Variants in NCAM2 observed in about 807,000 individuals in gnomAD.
The protein encoded by NCAM2 is neural cell adhesion molecule 2, also known as N-CAM-2.
In NCAM2, 30 loss-of-function variants were observed where a neutral mutation model predicts 98.1. The ratio of observed to expected loss-of-function variants is 0.31; its 90% CI spans 0.23 to 0.41. The LOEUF is 0.41. NCAM2 is among the 10% of genes least tolerant of loss of function. The pLI is 1.00. For synonymous variants in NCAM2, 368 were observed against 342.4 expected, an observed-to-expected ratio of 1.07 and a Z score of -0.83; for missense variants, 867 against 1,005.8, an observed-to-expected ratio of 0.86 and a Z score of 1.87.
At chr21:21,304,831 G>C (rs2147670425) in intron 5 of NCAM2, among the ~76,000 whole-genome samples, 1 of 152,124 alleles carries the variant, frequency 6.6e-6, no homozygotes, top group South Asian at 2.1e-4. Context: ...TTTTTATACA[G>C]TCCTAACTCA....
At chr21:21,476,672 A>G (rs1985206841) in intron 14 of NCAM2, among the ~76,000 whole-genome samples, 2 of 152,104 alleles carry the variant, frequency 1.3e-5, no homozygotes, top group South Asian at 4.1e-4. Flanking sequence ...ATGAGATAGT[A>G]TTTAAGTGTA....
intron 1 of NCAM2, among the ~76,000 whole-genome samples, chr21:21,191,445 T>C (rs558068256): frequency 6.6e-6 from 1 of 152,318 alleles, no homozygotes; most frequent in South Asian, 2.1e-4. Flanking sequence ...TAGTTAAATA[T>C]GTATTTCTTT....
chr21:21,200,207 C>A (rs923229016), intron 1 of NCAM2, among the ~76,000 whole-genome samples: 1 of 152,008 alleles, frequency 6.6e-6, no homozygotes, highest in Admixed American at 6.6e-5. Flanking sequence ...CCCCTAGTAA[C>A]AATGCCATGA....
chr21:21,448,612 T>C (rs991748210), intron 12 of NCAM2, among the ~76,000 whole-genome samples: 4 of 152,076 alleles, frequency 2.6e-5, no homozygotes, highest in Non-Finnish European at 4.4e-5. Flanking sequence ...TACAGTGCTT[T>C]TAAAATTTTT....
intron 1 of NCAM2, among the ~76,000 whole-genome samples, chr21:21,235,141 A>G (rs914985749): frequency 2.0e-5 from 3 of 151,916 alleles, no homozygotes; most frequent in Admixed American, 1.3e-4. Flanking sequence ...TTAAAACATT[A>G]AAAAAAGTGG....
intron 1 of NCAM2, among the ~76,000 whole-genome samples, chr21:21,014,423 C>CAAAAA (rs71193391): frequency 2.0e-5 from 2 of 100,800 alleles, no homozygotes; most frequent in African/African-American, 7.1e-5. Flanking sequence ...GACTCCATCT[C>CAAAAA]AAAAAAAAAA....
intron 5 of NCAM2, among the ~76,000 whole-genome samples, chr21:21,319,990 C>A (rs1190446595): frequency 6.6e-6 from 1 of 152,126 alleles, no homozygotes; most frequent in Non-Finnish European, 1.5e-5. Flanking sequence ...CTTAAACCAA[C>A]TTAATGAGCC....
intron 15 of NCAM2, among the ~76,000 whole-genome samples, chr21:21,480,231 C>G (rs1189435454): frequency 2.6e-5 from 4 of 151,624 alleles, no homozygotes; most frequent in Non-Finnish European, 4.4e-5. Context: ...GCTGGGCGTA[C>G]TGGCGGGCGC....
intron 8 of NCAM2, among the ~76,000 whole-genome samples, chr21:21,365,528 G>A (rs755875111): frequency 1.3e-5 from 2 of 151,554 alleles, no homozygotes; most frequent in East Asian, 1.9e-4. Flanking sequence ...TAAAAAAATC[G>A]TGGCATATGC....
At chr21:21,170,201 C>T (rs1164190600) in intron 1 of NCAM2, among the ~76,000 whole-genome samples, 1 of 152,152 alleles carries the variant, frequency 6.6e-6, no homozygotes, top group Non-Finnish European at 1.5e-5. Flanking sequence ...TTGGGACTTT[C>T]TTACAAAACT....
intron 12 of NCAM2, among the ~76,000 whole-genome samples, chr21:21,452,949 ACT>A: frequency 6.0e-5 from 5 of 82,718 alleles, no homozygotes; most frequent in Admixed American, 1.9e-4. Context: ...TATAATTTAT[ACT>A]ATATATTATA....
chr21:21,207,564 G>A (rs1296581507), intron 1 of NCAM2, among the ~76,000 whole-genome samples: 1 of 152,028 alleles, frequency 6.6e-6, no homozygotes, highest in African/African-American at 2.4e-5. Context: ...AATTAATAAG[G>A]TCCTGACTAT....
At chr21:21,181,473 C>T (rs2068465966) in intron 1 of NCAM2, among the ~76,000 whole-genome samples, 1 of 152,102 alleles carries the variant, frequency 6.6e-6, no homozygotes, top group African/African-American at 2.4e-5. Context: ...ATTACCAAAA[C>T]CTTGTTGCAT....
At chr21:21,105,878 A>T (rs965678878) in intron 1 of NCAM2, among the ~76,000 whole-genome samples, 2 of 152,122 alleles carry the variant, frequency 1.3e-5, no homozygotes, top group Admixed American at 1.3e-4. Flanking sequence ...CATTTATAAT[A>T]GTGGATACTT....
chr21:21,076,637 C>G (rs1413165027), intron 1 of NCAM2, among the ~76,000 whole-genome samples: 1 of 152,080 alleles, frequency 6.6e-6, no homozygotes, highest in Non-Finnish European at 1.5e-5. Flanking sequence ...AAAGAATCTT[C>G]CTGATATTCA....
intron 12 of NCAM2, among the ~76,000 whole-genome samples, chr21:21,446,052 G>A (rs1404587118): frequency 3.3e-5 from 5 of 152,030 alleles, no homozygotes; most frequent in African/African-American, 9.7e-5. Context: ...CTCAACATTT[G>A]CTTATCTGAA....
At chr21:21,050,229 C>G (rs1283210485) in intron 1 of NCAM2, among the ~76,000 whole-genome samples, 1 of 152,082 alleles carries the variant, frequency 6.6e-6, no homozygotes. Flanking sequence ...TGTACCAGAC[C>G]TAAAAAAGTG....
chr21:21,418,819 A>G (rs760994281), intron 11 of NCAM2, among the ~76,000 whole-genome samples: 4 of 152,184 alleles, frequency 2.6e-5, no homozygotes, highest in Non-Finnish European at 5.9e-5. Flanking sequence ...GTGGTACGGT[A>G]GGGCTATAAT....
At chr21:21,342,472 A>T (rs2075068611) in intron 8 of NCAM2, among the ~76,000 whole-genome samples, 1 of 152,184 alleles carries the variant, frequency 6.6e-6, no homozygotes. Context: ...CTGCAAGCTC[A>T]GGTGGAGCTG....
Sources: allele counts gnomAD v4.1 joint callset (sites outside exome capture counted in the v4.1 genomes callset), GRCh38; gene constraint gnomAD v4.1.1; transcripts MANE v1.5; gene names NCBI Gene and HGNC (gene_info 2026-07-23, HGNC 2026-07-21).